The following ACTN1 variants were observed in gnomAD, a reference collection of about 807,000 sequenced individuals.
ACTN1 encodes the protein actinin alpha 1, also known as alpha-actinin-1.
In ACTN1, 30 loss-of-function variants were observed where a neutral mutation model predicts 119.6. The observed-to-expected ratio is 0.25, with a 90% CI of 0.19 to 0.34. The LOEUF (loss-of-function observed/expected upper bound fraction) is 0.34. ACTN1 is among the 10% of genes least tolerant of loss of function. The probability of loss-of-function intolerance (pLI) is 1.00; values close to 1 mark genes in which losing one functional copy is unlikely to be tolerated. For missense variants in ACTN1, 764 were observed against 1,223.4 expected (o/e 0.62, Z 5.60); for synonymous variants, 429 against 472.6 (o/e 0.91, Z 1.20).
At chr14:68,881,630 C>G (rs1287318222) in intron 16 of ACTN1, among the ~76,000 whole-genome samples, 3 of 152,118 alleles carry the variant, frequency 2.0e-5, no homozygotes, top group Non-Finnish European at 4.4e-5. Flanking sequence ...CGACACATAC[C>G]AATGTGAACT....
chr14:68,879,091 C>T lies in ACTN1; in HGVS notation c.2281-22G>A, dbSNP rs776686913. On this transcript the variant is annotated intron_variant, in intron 18 of 21. Coordinates refer to ENST00000394419, the MANE Select transcript of ACTN1 (RefSeq NM_001130004.2). This position sits in a 1 kb window ranked among gnomAD's most constrained non-coding sequence, Gnocchi z 4.9. ...GATCCTGGGGCCGCGGTGCGCCAGGCAGCGAGCCATGCGGTGTCAGGGAGG... is the reference window on the plus strand; with the variant it reads ...GATCCTGGGGCCGCGGTGCGCCAGGTAGCGAGCCATGCGGTGTCAGGGAGG... 2.5e-6 allele frequency: 4 copies of T among 1,581,500 alleles called. No individual in the cohort carries two copies. In the South Asian group the frequency reaches 3.4e-5, roughly 13 times the overall value.
At chr14:68,898,942 G>A (rs1836990071) in intron 8 of ACTN1, among the ~76,000 whole-genome samples, 1 of 144,086 alleles carries the variant, frequency 6.9e-6, no homozygotes, top group Non-Finnish European at 1.5e-5. Context: ...CACACCCACA[G>A]CACTCCCCTT....
chr14:68,906,071 G>C (rs906880822), intron 6 of ACTN1, among the ~76,000 whole-genome samples: 11 of 141,808 alleles, frequency 7.8e-5, no homozygotes, highest in Non-Finnish European at 1.2e-4. Flanking sequence ...GCCAGAGGCC[G>C]GGGGGGCAGG....
intron 21 of ACTN1, among the ~76,000 whole-genome samples, chr14:68,876,522 A>G (rs1188387854): frequency 6.6e-6 from 1 of 152,170 alleles, no homozygotes; most frequent in Non-Finnish European, 1.5e-5. Flanking sequence ...TGACCATCTC[A>G]GAACAGTGGA....
chr14:68,908,408 C>T (rs1304431408), intron 6 of ACTN1, among the ~76,000 whole-genome samples: 1 of 152,186 alleles, frequency 6.6e-6, no homozygotes, highest in African/African-American at 2.4e-5. Flanking sequence ...AAGAGCTACA[C>T]TGAACACTGT....
chr14:68,967,644 C>T (rs1360536267), intron 1 of ACTN1, among the ~76,000 whole-genome samples: 1 of 152,230 alleles, frequency 6.6e-6, no homozygotes, highest in Non-Finnish European at 1.5e-5. Flanking sequence ...TTCTGACTCT[C>T]CTAGCCCAGG....
intron 8 of ACTN1, among the ~76,000 whole-genome samples, chr14:68,899,406 C>A (rs1435359015): frequency 6.7e-6 from 1 of 149,334 alleles, no homozygotes; most frequent in African/African-American, 2.5e-5. Flanking sequence ...TCACACACTA[C>A]ACCCTTCCAC....
chr14:68,973,985 G>A (rs1470754089), intron 1 of ACTN1: 1 of 152,274 alleles, frequency 6.6e-6, no homozygotes, highest in Non-Finnish European at 1.5e-5. Context: ...GAGTAACTCA[G>A]CCCAACCCAC....
At chr14:68,953,630 G>A (rs1054029382) in intron 1 of ACTN1, among the ~76,000 whole-genome samples, 2 of 151,820 alleles carry the variant, frequency 1.3e-5, no homozygotes, top group Admixed American at 1.3e-4. Flanking sequence ...TGTAATCCCA[G>A]CACTTTGGGA....
intron 3 of ACTN1, among the ~76,000 whole-genome samples, chr14:68,915,772 T>C (rs988032787): frequency 1.3e-5 from 2 of 152,164 alleles, no homozygotes; most frequent in Non-Finnish European, 2.9e-5. Context: ...TCCCAGCACT[T>C]TGGGAGGCCA....
chr14:68,887,611 C>CTT, intron 11 of ACTN1: 2 of 1,407,430 alleles, frequency 1.4e-6, no homozygotes, highest in South Asian at 2.5e-5. Flanking sequence ...GATTTCACCT[C>CTT]TTAAAAAAAA....
intron 3 of ACTN1, 47 bp downstream of exon 3, chr14:68,920,959 G>A (rs752673918): frequency 1.4e-5 from 23 of 1,606,810 alleles, no homozygotes; most frequent in East Asian, 2.2e-5. Flanking sequence ...AGAACCAGGG[G>A]GACAAAGAAA....
chr14:68,920,895 C>T, intron 3 of ACTN1, 111 bp downstream of exon 3: 3 of 1,439,930 alleles, frequency 2.1e-6, no homozygotes, highest in African/African-American at 1.4e-5. Context: ...GGACCCACTG[C>T]CCAATGCCCC....
chr14:68,937,412 A>G (rs768027395), intron 1 of ACTN1, among the ~76,000 whole-genome samples: 2 of 152,224 alleles, frequency 1.3e-5, no homozygotes, highest in Non-Finnish European at 2.9e-5. Flanking sequence ...AAGATAAAAA[A>G]TGAAAAAATT....
At chr14:68,896,563 C>G (rs1345531092) in intron 8 of ACTN1, among the ~76,000 whole-genome samples, 1 of 152,142 alleles carries the variant, frequency 6.6e-6, no homozygotes, top group Non-Finnish European at 1.5e-5. Context: ...AGAGAGGCAC[C>G]CAGAACCACC....
intron 1 of ACTN1, among the ~76,000 whole-genome samples, chr14:68,937,855 G>A (rs1362234498): frequency 1.3e-5 from 2 of 152,188 alleles, no homozygotes; most frequent in East Asian, 3.9e-4. Flanking sequence ...GTGTGGGCGG[G>A]GTGTGTGAAC....
chr14:68,949,417 C>T (rs1594860868), intron 1 of ACTN1, among the ~76,000 whole-genome samples: 1 of 152,180 alleles, frequency 6.6e-6, no homozygotes, highest in Non-Finnish European at 1.5e-5. Flanking sequence ...AGTGTGCCCT[C>T]GGGGACCCAA....
chr14:68,977,811 C>A lies in ACTN1; in HGVS notation c.105+1141G>T, dbSNP rs1026583262. On this transcript the variant is annotated intron_variant, in intron 1 of 21. Transcript: ENST00000394419. ...GACGCGCCATCCTGTCCCCCCCCCA[C>A]CCAAAACCCCATTCCCAGATCAGCC... 21 of 376,708 alleles carry A rather than the reference C, an allele frequency of 5.6e-5. No individual in the cohort carries two copies. In the East Asian group the frequency reaches 1.4e-3, roughly 25 times the overall value. 23.3% of individuals were successfully genotyped at this position (376,708 alleles called of 1,614,324 possible).
At chr14:68,944,507 C>T (rs1445464209) in intron 1 of ACTN1, among the ~76,000 whole-genome samples, 1 of 152,226 alleles carries the variant, frequency 6.6e-6, no homozygotes, top group Non-Finnish European at 1.5e-5. Context: ...AATACAGGCA[C>T]TGTCCTAAGT....
Sources: gnomAD v4.1 joint callset for allele counts (sites outside exome capture counted in the v4.1 genomes callset) on GRCh38, gnomAD v4.1.1 for gene constraint, Gnocchi (gnomAD v3.1) non-coding constraint, MANE v1.5 for transcripts, NCBI Gene and HGNC (gene_info 2026-07-23, HGNC 2026-07-21) for gene names.